The following PPP1R1A variants were observed in gnomAD, a reference collection of about 807,000 sequenced individuals.
PPP1R1A encodes protein phosphatase 1 regulatory inhibitor subunit 1A, also known as protein phosphatase 1 regulatory subunit 1A.
In PPP1R1A, 18 loss-of-function variants were observed where a neutral mutation model predicts 23.9. The ratio of observed to expected loss-of-function variants is 0.75; its 90% CI spans 0.52 to 1.12. The LOEUF is 1.12. Ranked by LOEUF, PPP1R1A falls within the 50% of genes most tolerant of loss-of-function variation. The probability of loss-of-function intolerance (pLI) is 0.00; values close to 1 mark genes in which losing one functional copy is unlikely to be tolerated. For missense variants in PPP1R1A, 207 were observed against 223.8 expected (o/e 0.92, Z 0.48); for synonymous variants, 84 against 80.7 (o/e 1.04, Z -0.22).
chr12:54,586,232 C>T (rs538998520), intron 1 of PPP1R1A, among the ~76,000 whole-genome samples: 58 of 152,246 alleles, frequency 3.8e-4, no homozygotes, highest in African/African-American at 1.4e-3. Flanking sequence ...ACTTCCTTGA[C>T]CTATTCCTTT....
intron 1 of PPP1R1A, among the ~76,000 whole-genome samples, chr12:54,585,372 T>A (rs1217677242): frequency 6.6e-6 from 1 of 152,236 alleles, no homozygotes; most frequent in Non-Finnish European, 1.5e-5. Context: ...CTGACTGCCC[T>A]GCCTCTGAGC....
At chr12:54,582,864 T>C in intron 3 of PPP1R1A, 69 bp from the exon 4 acceptor site, 3 of 1,477,952 alleles carry the variant, frequency 2.0e-6, no homozygotes, top group Admixed American at 1.8e-5. Context: ...CCTTGCCCTC[T>C]AGCCCCCCAT....
Position 54,583,170 on chromosome 12 carries a change from G to A in PPP1R1A, c.183+41C>T, listed in dbSNP as rs995462382. On this transcript the variant is annotated intron_variant, in intron 3 of 6. Transcript: ENST00000257905. ...AAGGAATAATCCCCTAATGAATGTG[G>A]GGGTTTTTTGGGCTGGGCTTAGTGG... The A allele has an allele frequency of 8.4e-6, 13 of 1,543,152 alleles. No homozygotes were observed. The African/African-American group carries it at 1.7e-4, about 20-fold the overall frequency.
chr12:54,587,212 T>C (rs1392078977), intron 1 of PPP1R1A, among the ~76,000 whole-genome samples: 1 of 152,110 alleles, frequency 6.6e-6, no homozygotes, highest in East Asian at 1.9e-4. Flanking sequence ...CATCAGACCT[T>C]ATTCTACCAA....
intron 2 of PPP1R1A, 43 bp from the exon 3 acceptor site, chr12:54,583,291 C>A: frequency 1.4e-6 from 2 of 1,446,666 alleles, no homozygotes; most frequent in South Asian, 3.0e-5. Flanking sequence ...GGACAGGAAA[C>A]CAGGGATCCC....
Position 54,581,053 on chromosome 12 carries a change from G to A in PPP1R1A, c.404-3C>T, listed in dbSNP as rs113886639. On this transcript the variant is annotated splice_region_variant and splice_polypyrimidine_tract_variant and intron_variant, in intron 5 of 6. Coordinates refer to ENST00000257905, the MANE Select transcript of PPP1R1A (RefSeq NM_006741.4). This position sits in a 1 kb window ranked among gnomAD's most constrained non-coding sequence, Gnocchi z 4.1. ...TTTAGGGATGCATTCTGCAGTTTCT[G>A]GGGAGGGAACATAGGGGTGGGAGGA... 1 of 1,605,736 alleles carries A rather than the reference G, an allele frequency of 6.2e-7. No homozygotes were observed. The highest frequency in any genetic ancestry group is 1.3e-5 in the African/African-American group (1 of 74,744).
rs1957936286 is a variant in PPP1R1A, at chr12:54,588,584, G to C, written c.-96C>G. On this transcript the variant is annotated 5_prime_UTR_variant, in exon 1 of 7. Coordinates refer to ENST00000257905, the MANE Select transcript of PPP1R1A (RefSeq NM_006741.4). ...GCGCGCTCCCTCTCCGCTCCGCTCC[G>C]GCCCCGGCCCCAGCCCGGCGCGCTC... 1.5e-6 allele frequency: 1 copy of C among 645,402 alleles called. No individual in the cohort carries two copies. Among genetic ancestry groups the C allele is most frequent in the Non-Finnish European group, 2.1e-6 (1 of 469,980 alleles). 40.0% of individuals were successfully genotyped at this position (645,402 alleles called of 1,614,324 possible).
chr12:54,588,419 C>G lies in PPP1R1A; in HGVS notation c.70G>C (p.Glu24Gln). 1.3e-6 allele frequency: 2 copies of G among 1,500,162 alleles called. No individual in the cohort carries two copies. Among genetic ancestry groups the G allele is most frequent in the Non-Finnish European group, 8.9e-7 (1 of 1,119,830 alleles). 92.9% of individuals were successfully genotyped at this position (1,500,162 alleles called of 1,614,324 possible). ...CTGCTCCGCACCTGCTCCGCCGCCT[C>G]GGGGTCAAGGTGCGGCTCCAGCAGC... Reference protein sequence around the residue: ...VPLLEPHLDPEAAEQIRRRRP... With the variant: ...VPLLEPHLDPQAAEQIRRRRP... Residue 24 changes from glutamate (E) to glutamine (Q), a missense_variant, in exon 1 of 7, where the codon GAG becomes CAG. Physicochemically the swap from Glu to Gln is conservative, Grantham distance 29 (BLOSUM62 2). Transcript: ENST00000257905.
In PPP1R1A at chr12:54,581,016, T is replaced by G; in HGVS notation, c.438A>C (p.Arg146Ser). Residue 146 changes from arginine to serine, a missense_variant, in exon 6 of 7, where the codon AGA (arginine) becomes AGC (serine). Arg to Ser is a moderately radical substitution (Grantham distance 110). Coordinates refer to ENST00000257905, the MANE Select transcript of PPP1R1A (RefSeq NM_006741.4). This position sits in a 1 kb window ranked among gnomAD's most constrained non-coding sequence, Gnocchi z 4.1. ...CTTTTGTGCTGGGTTCCTTACTGCC[T>G]CTCTCGTGAGTTTTAGGGATGCATT... ...TAECIPKTHE[R>S]GSKEPSTKEP... 1 of 1,613,808 alleles carries G rather than the reference T, an allele frequency of 6.2e-7. No individual in the cohort carries two copies. Among genetic ancestry groups the G allele is most frequent in the East Asian group, 2.2e-5 (1 of 44,880 alleles).
intron 4 of PPP1R1A, among the ~76,000 whole-genome samples, chr12:54,582,361 GAGGCTTTA>G (rs1435194289): frequency 6.6e-6 from 1 of 152,174 alleles, no homozygotes; most frequent in African/African-American, 2.4e-5. Context: ...CATAGGAGAA[GAGGCTTTA>G]AGAACAAGGG....
chr12:54,584,261 T>C lies in PPP1R1A; in HGVS notation c.144A>G (p.Pro48=). 1 of 1,600,156 alleles carries C rather than the reference T, an allele frequency of 6.2e-7. No individual in the cohort carries two copies. The highest frequency in any genetic ancestry group is 8.5e-7 in the Non-Finnish European group (1 of 1,173,398). ...TLVLTSDQSS[P]EIDEDRIPNP... ...TCAGCAACCTATCCCTTGGCTTACC[T>C]GGGGATGACTGGTCACTGGTCAGCA... Residue 48 remains proline, a splice_region_variant and synonymous_variant, in exon 2 of 7, where the codon CCA becomes CCG. Coordinates refer to ENST00000257905, the MANE Select transcript of PPP1R1A (RefSeq NM_006741.4).
chr12:54,580,898 T>A, intron 6 of PPP1R1A, 46 bp downstream of exon 6: 1 of 1,461,734 alleles, frequency 6.8e-7, no homozygotes, highest in Non-Finnish European at 9.6e-7. Context: ...GTCCACAATA[T>A]TAGCCTCCTC....
rs1957849759 is a variant in PPP1R1A at position 54,580,953 on chromosome 12, T to C, written c.501A>G (p.Gly167=). 6.2e-7 allele frequency: 1 copy of C among 1,613,248 alleles called. No individual in the cohort carries two copies. The highest frequency in any genetic ancestry group is 1.3e-5 in the African/African-American group (1 of 74,918). The change falls in exon 6 of 7, where the codon GGA becomes GGG. Residue 167 remains glycine, a synonymous_variant. Transcript: ENST00000257905. ...AGCCCTGGGGTCTTACCGAGTTGGC[T>C]CCCTTGGAATCCAGTGGTGGTATAT... ...STHIPPLDSK[G]ANSV is the part of the protein sequence containing the mutation.
chr12:54,579,624 G>A lies in PPP1R1A; in HGVS notation c.*763C>T, dbSNP rs74091321. ...TATGCTTGGTTTTGGTCTTATCTGG[G>A]CCCCTCAATGTCTAGGACAAGGGAA... is the stretch of plus-strand genomic sequence containing the variant. On this transcript the variant is annotated 3_prime_UTR_variant, in exon 7 of 7. Coordinates refer to ENST00000257905, the MANE Select transcript of PPP1R1A (RefSeq NM_006741.4). 978 of 985,382 alleles carry A rather than the reference G, an allele frequency of 9.9e-4. 11 individuals carry two copies. In the African/African-American group the frequency reaches 0.016, roughly 16 times the overall value. 61.0% of individuals were successfully genotyped at this position (985,382 alleles called of 1,614,324 possible).
intron 6 of PPP1R1A, 142 bp from the exon 7 acceptor site, chr12:54,580,534 T>A (rs1957844649): frequency 1.2e-6 from 1 of 834,770 alleles, no homozygotes; most frequent in African/African-American, 1.7e-5. Flanking sequence ...CCTTCCTGTG[T>A]CCAGTCTATG....
In PPP1R1A at chr12:54,585,190, T is replaced by C. The variant is rs184338858; in HGVS notation, c.85-870A>G. On this transcript the variant is annotated intron_variant, in intron 1 of 6. Coordinates refer to ENST00000257905, the MANE Select transcript of PPP1R1A (RefSeq NM_006741.4). The stretch of plus-strand genomic sequence containing the variant: ...AATGTCCTCTCTGTCCTTGGATACA[T>C]TGCCTTTCTGATTTGTCAAGAAATG... 6.8e-4 allele frequency among the ~76,000 whole-genome samples: 104 copies of C among 152,326 alleles called. 3 individuals are homozygous for C. The East Asian group carries it at 0.016, about 24-fold the overall frequency.
Position 54,582,071 on chromosome 12 carries a change from C to T in PPP1R1A, c.308G>A (p.Gly103Glu), listed in dbSNP as rs767097488. 6.2e-7 allele frequency: 1 copy of T among 1,613,818 alleles called. No homozygotes were observed. The highest frequency in any genetic ancestry group is 1.1e-5 in the South Asian group (1 of 91,058). ...CTGGGTTCCTGTGCTCTCAGCGGCC[C>T]CCTCAGGTTCCTCTCCTTGCTGCTG... is the stretch of plus-strand genomic sequence containing the variant. ...GQQQQGEEPE[G>E]AAESTGTQES... Residue 103 changes from glycine to glutamate, a missense_variant, in exon 5 of 7, where the codon GGG becomes GAG. Gly to Glu is a moderately conservative substitution (Grantham distance 98, BLOSUM62 -2). Coordinates refer to ENST00000257905, the MANE Select transcript of PPP1R1A (RefSeq NM_006741.4).
chr12:54,587,343 G>T (rs11170981), intron 1 of PPP1R1A, among the ~76,000 whole-genome samples: 48,195 of 152,098 alleles, frequency 0.32, 9,104 homozygotes, highest in Non-Finnish European at 0.45. Context: ...GAGAAACAGA[G>T]AACTGACCTT....
intron 1 of PPP1R1A, 82 bp downstream of exon 1, chr12:54,588,323 G>C: frequency 8.7e-7 from 1 of 1,153,300 alleles, no homozygotes; most frequent in Non-Finnish European, 1.2e-6. Flanking sequence ...GGAGGACTAG[G>C]CAGGGATCCT....
Sources: gnomAD v4.1 joint callset for allele counts (sites outside exome capture counted in the v4.1 genomes callset) on GRCh38, gnomAD v4.1.1 for gene constraint, Gnocchi (gnomAD v3.1) non-coding constraint, MANE v1.5 for transcripts, NCBI Gene and HGNC (gene_info 2026-07-23, HGNC 2026-07-21) for gene names.